The following HNRNPC variants were observed in gnomAD, a reference collection of about 807,000 sequenced individuals.
HNRNPC encodes heterogeneous nuclear ribonucleoprotein C.
A neutral mutation model predicts 33.2 loss-of-function variants in HNRNPC; 3 were observed. The observed-to-expected ratio is 0.09, with a 90% CI of 0.04 to 0.23. HNRNPC has a LOEUF of 0.23. HNRNPC is among the 10% of genes least tolerant of loss of function. HNRNPC has a pLI of 1.00. For missense variants in HNRNPC, 143 were observed against 366.7 expected, an observed-to-expected ratio of 0.39 and a Z score of 4.98; for synonymous variants, 121 against 126.7, an observed-to-expected ratio of 0.96 and a Z score of 0.30.
intron 5 of HNRNPC, among the ~76,000 whole-genome samples, chr14:21,214,227 T>C (rs71410267): frequency 1.3e-5 from 2 of 152,194 alleles, no homozygotes; most frequent in South Asian, 2.1e-4. Context: ...AAAAAACAAA[T>C]GTGATAGTCA....
In HNRNPC at chr14:21,231,114, C is replaced by A. The variant is rs761775731; in HGVS notation, c.242-42G>T. 7 of 1,555,790 alleles carry A rather than the reference C, an allele frequency of 4.5e-6. No homozygotes were observed. In the East Asian group the frequency reaches 1.6e-4, roughly 35 times the overall value. ...AAAATGTTAATGACAACTTTGTATCCGGGTAAAACAAACTACAAAGTTTAT... is the reference window on the plus strand; with the variant it reads ...AAAATGTTAATGACAACTTTGTATCAGGGTAAAACAAACTACAAAGTTTAT... On this transcript the variant is annotated intron_variant, in intron 3 of 8. Coordinates refer to ENST00000553300, the MANE Select transcript of HNRNPC (RefSeq NM_004500.4).
chr14:21,268,893 TCC>T (rs1879467010), intron 1 of HNRNPC, among the ~76,000 whole-genome samples: 1 of 151,886 alleles, frequency 6.6e-6, no homozygotes, highest in Admixed American at 6.6e-5. Flanking sequence ...TTGGTAACCT[TCC>T]CCCTTCCCCT....
chr14:21,218,019 T>C (rs1043881521), intron 5 of HNRNPC, among the ~76,000 whole-genome samples: 3 of 152,186 alleles, frequency 2.0e-5, no homozygotes, highest in African/African-American at 7.2e-5. Flanking sequence ...CTTGACTGGA[T>C]TCAAGACTGT....
intron 2 of HNRNPC, among the ~76,000 whole-genome samples, chr14:21,245,039 C>T (rs1895805164): frequency 7.4e-6 from 1 of 135,306 alleles, no homozygotes; most frequent in African/African-American, 2.8e-5. Context: ...GAGCCAAGAT[C>T]ACACCACTGC....
chr14:21,233,260 A>G (rs1227284932), intron 3 of HNRNPC, among the ~76,000 whole-genome samples: 1 of 152,232 alleles, frequency 6.6e-6, no homozygotes, highest in Admixed American at 6.5e-5. Context: ...TAACATTATC[A>G]AAGAATTGTT....
rs201671717 is a variant in HNRNPC, at chr14:21,233,939, A to G, written c.241+14T>C. 4.2e-5 allele frequency: 68 copies of G among 1,610,908 alleles called. No individual in the cohort carries two copies. In the African/African-American group the frequency reaches 8.6e-4, roughly 20 times the overall value. ...CAGGCCTGAATTACATCATCAATGA[A>G]AAAATTCACTTACCTAAAACCTGGC... On this transcript the variant is annotated intron_variant, in intron 3 of 8. Coordinates refer to ENST00000553300, the MANE Select transcript of HNRNPC (RefSeq NM_004500.4).
At chr14:21,242,498 A>T (rs1043455704) in intron 2 of HNRNPC, among the ~76,000 whole-genome samples, 19 of 152,212 alleles carry the variant, frequency 1.2e-4, no homozygotes, top group African/African-American at 4.1e-4. Flanking sequence ...AGATGTTAAG[A>T]CACATTATTT....
chr14:21,250,523 G>T (rs953957839), intron 2 of HNRNPC, among the ~76,000 whole-genome samples: 1 of 152,178 alleles, frequency 6.6e-6, no homozygotes, highest in Non-Finnish European at 1.5e-5. Context: ...GTTATATCAC[G>T]CCAAGATATA....
intron 6 of HNRNPC, among the ~76,000 whole-genome samples, chr14:21,212,183 T>C (rs1412092933): frequency 2.0e-5 from 3 of 152,172 alleles, no homozygotes; most frequent in African/African-American, 7.2e-5. Flanking sequence ...TTCACACGTA[T>C]GATCACAGTG....
At position 21,231,053 on chromosome 14, in the gene HNRNPC, C is replaced by T; in HGVS notation, c.261G>A (p.Glu87=). 1.2e-6 allele frequency: 2 copies of T among 1,614,188 alleles called. No homozygotes were observed. Among genetic ancestry groups the T allele is most frequent in the Admixed American group, 1.7e-5 (1 of 60,022 alleles). ...CTGCTTTTCCTCGGTTCACTTTTGG[C>T]TCTGCAGCCAGGTTAATATCTGAAA... ...GQVLDINLAA[E]PKVNRGKAGV... The change falls in exon 4 of 9, where the codon GAG becomes GAA. Residue 87 remains glutamate (E), a synonymous_variant. Transcript: ENST00000553300.
chr14:21,245,081 T>A (rs1367447400), intron 2 of HNRNPC, among the ~76,000 whole-genome samples: 4 of 78,952 alleles, frequency 5.1e-5, no homozygotes, highest in Non-Finnish European at 6.7e-5. Flanking sequence ...CGAGACTCCA[T>A]CTCAAAAAAA....
chr14:21,224,376 G>A (rs1224730306), intron 5 of HNRNPC, among the ~76,000 whole-genome samples: 1 of 152,142 alleles, frequency 6.6e-6, no homozygotes, highest in African/African-American at 2.4e-5. Context: ...AAGTCAGGTA[G>A]AATAAAACCA....
chr14:21,256,453 C>G (rs1445602526), intron 2 of HNRNPC, among the ~76,000 whole-genome samples: 10 of 151,432 alleles, frequency 6.6e-5, no homozygotes, highest in Non-Finnish European at 1.0e-4. Context: ...CCATCTCCCC[C>G]CCAAAAAAAA....
chr14:21,249,669 G>A (rs558718658), intron 2 of HNRNPC, among the ~76,000 whole-genome samples: 1 of 149,854 alleles, frequency 6.7e-6, no homozygotes, highest in South Asian at 2.1e-4. Flanking sequence ...TACATATTTT[G>A]GGGTCTATTA....
At chr14:21,241,301 CTA>C (rs1895316399) in intron 2 of HNRNPC, among the ~76,000 whole-genome samples, 1 of 149,848 alleles carries the variant, frequency 6.7e-6, no homozygotes, top group South Asian at 2.1e-4. Context: ...ACAAAAAAAC[CTA>C]AAGTAGCCCC....
At chr14:21,224,093 T>C (rs988245900) in intron 5 of HNRNPC, among the ~76,000 whole-genome samples, 1 of 152,082 alleles carries the variant, frequency 6.6e-6, no homozygotes, top group Non-Finnish European at 1.5e-5. Flanking sequence ...TACATATATA[T>C]AAACAAACCC....
rs542572499 is a variant in HNRNPC, at chr14:21,236,790, G to A, written c.-36-2561C>T. ...GGAAAAGAACTGGGATTCTTGGAAG[G>A]GGTCAGCAAGAGCAGAGTAGTTTTT... is the stretch of plus-strand genomic sequence containing the variant. On this transcript the variant is annotated intron_variant, in intron 2 of 8. Coordinates refer to ENST00000553300, the MANE Select transcript of HNRNPC (RefSeq NM_004500.4). Among the ~76,000 whole-genome samples, 83 of 152,184 alleles carry A rather than the reference G, an allele frequency of 5.5e-4. 1 individual carries two copies. Among genetic ancestry groups the A allele is most frequent in the South Asian group, 5.0e-3 (24 of 4,820 alleles).
chr14:21,268,186 TTTAAG>T (rs1879334241), intron 1 of HNRNPC, among the ~76,000 whole-genome samples: 1 of 152,090 alleles, frequency 6.6e-6, no homozygotes, highest in African/African-American at 2.4e-5. Context: ...TTTTTTAACT[TTTAAG>T]TTTTTTATCA....
At chr14:21,260,333 TCCA>T (rs1231172211) in intron 2 of HNRNPC, among the ~76,000 whole-genome samples, 1 of 137,018 alleles carries the variant, frequency 7.3e-6, no homozygotes, top group African/African-American at 2.8e-5. Context: ...ACCACTGCAC[TCCA>T]GTCTAGGTGA....
Sources: allele counts gnomAD v4.1 joint callset (sites outside exome capture counted in the v4.1 genomes callset), GRCh38; gene constraint gnomAD v4.1.1; transcripts MANE v1.5; gene names NCBI Gene and HGNC (gene_info 2026-07-23, HGNC 2026-07-21).